The following PRR16 variants were observed in gnomAD, a reference collection of about 807,000 sequenced individuals.
PRR16 encodes protein Largen.
PRR16 carries 6 observed loss-of-function variants against 18.2 expected under a neutral mutation model. The observed-to-expected ratio is 0.33, with a 90% CI of 0.18 to 0.65. The LOEUF (loss-of-function observed/expected upper bound fraction) is 0.65. Ranked by LOEUF, PRR16 falls within the 30% of genes least tolerant of loss-of-function variation. The pLI is 0.74. For missense variants in PRR16, 412 were observed against 376.6 expected (o/e 1.09, Z -0.78); for synonymous variants, 151 against 147.8 (o/e 1.02, Z -0.16).
the PRR16 span, among the ~76,000 whole-genome samples, chr5:120,715,564 T>C: frequency 6.6e-6 from 1 of 152,230 alleles, no homozygotes. Context: ...AAACTCCTTA[T>C]CAATGCTATC....
At chr5:120,756,417 A>G in the PRR16 span, among the ~76,000 whole-genome samples, 67 of 152,240 alleles carry the variant, frequency 4.4e-4, no homozygotes, top group African/African-American at 1.5e-3. Context: ...TTCTACCAGA[A>G]GTATGTAAGC....
At chr5:120,793,518 TG>T in the PRR16 span, among the ~76,000 whole-genome samples, 1 of 151,906 alleles carries the variant, frequency 6.6e-6, no homozygotes, top group African/African-American at 2.4e-5. Flanking sequence ...TCAGAAGACC[TG>T]AAAAAATCTA....
At chr5:120,531,133 C>T (rs1751537280) in intron 1 of PRR16, among the ~76,000 whole-genome samples, 1 of 152,258 alleles carries the variant, frequency 6.6e-6, no homozygotes, top group Middle Eastern at 3.4e-3. Flanking sequence ...AGTTTAAAAA[C>T]TCAGATTACA....
chr5:120,526,673 T>A (rs535591988), intron 1 of PRR16, among the ~76,000 whole-genome samples: 1 of 152,274 alleles, frequency 6.6e-6, no homozygotes, highest in African/African-American at 2.4e-5. Context: ...GTTGGTTAAA[T>A]CACACTCTTA....
At chr5:120,472,184 A>G (rs912671316) in intron 1 of PRR16, among the ~76,000 whole-genome samples, 1 of 152,154 alleles carries the variant, frequency 6.6e-6, no homozygotes, top group African/African-American at 2.4e-5. Context: ...GGGACACTAT[A>G]AATAGATTTT....
intron 1 of PRR16, among the ~76,000 whole-genome samples, chr5:120,612,365 A>G (rs1754363496): frequency 6.6e-6 from 1 of 152,140 alleles, no homozygotes; most frequent in African/African-American, 2.4e-5. Flanking sequence ...TGGAGGGGCC[A>G]GGGGTGGAAT....
intron 1 of PRR16, among the ~76,000 whole-genome samples, chr5:120,567,082 T>C (rs1252041264): frequency 6.6e-6 from 1 of 152,188 alleles, no homozygotes; most frequent in Non-Finnish European, 1.5e-5. Flanking sequence ...GTGCTATGCT[T>C]TCATACTTAT....
chr5:120,543,851 G>A (rs1385638554), intron 1 of PRR16, among the ~76,000 whole-genome samples: 2 of 152,106 alleles, frequency 1.3e-5, no homozygotes, highest in African/African-American at 4.8e-5. Flanking sequence ...GTGATCTCTG[G>A]TATTTTACTT....
chr5:120,529,609 T>G (rs560963459), intron 1 of PRR16, among the ~76,000 whole-genome samples: 8 of 152,262 alleles, frequency 5.3e-5, no homozygotes, highest in South Asian at 2.1e-4. Context: ...TGCATCAGCT[T>G]TCATGGCTTG....
intron 1 of PRR16, among the ~76,000 whole-genome samples, chr5:120,605,771 C>T (rs1754133577): frequency 6.6e-6 from 1 of 152,074 alleles, no homozygotes; most frequent in Non-Finnish European, 1.5e-5. Flanking sequence ...TGTATGCTTT[C>T]CAGGGCCAAG....
chr5:120,750,401 G>A, the PRR16 span, among the ~76,000 whole-genome samples: 2 of 152,008 alleles, frequency 1.3e-5, no homozygotes, highest in African/African-American at 2.4e-5. Flanking sequence ...GCTCACACCT[G>A]TAATCCCAGC....
At chr5:120,539,671 TGAAAA>T (rs1266176377) in intron 1 of PRR16, among the ~76,000 whole-genome samples, 13 of 151,342 alleles carry the variant, frequency 8.6e-5, no homozygotes, top group South Asian at 2.1e-4. Flanking sequence ...AAATAGAACT[TGAAAA>T]GAAAAAAAAA....
intron 1 of PRR16, among the ~76,000 whole-genome samples, chr5:120,586,960 C>T (rs1753467463): frequency 2.0e-5 from 3 of 152,146 alleles, no homozygotes; most frequent in Admixed American, 6.5e-5. Flanking sequence ...TGGAAAGATT[C>T]TTGAAGAAAA....
At chr5:120,727,177 T>G in the PRR16 span, among the ~76,000 whole-genome samples, 1 of 152,052 alleles carries the variant, frequency 6.6e-6, no homozygotes, top group Non-Finnish European at 1.5e-5. Context: ...CTCTTTTTTG[T>G]GTCTCAAGTT....
chr5:120,571,901 C>T (rs770229067), intron 1 of PRR16, among the ~76,000 whole-genome samples: 2 of 152,076 alleles, frequency 1.3e-5, no homozygotes, highest in African/African-American at 2.4e-5. Flanking sequence ...CACATACATG[C>T]CTGGTGTCTT....
chr5:120,672,877 A>ATTAT (rs1216044897), intron 1 of PRR16, among the ~76,000 whole-genome samples: 1 of 152,192 alleles, frequency 6.6e-6, no homozygotes, highest in Non-Finnish European at 1.5e-5. Flanking sequence ...TTAACATAAT[A>ATTAT]GAATCATTTT....
intron 1 of PRR16, among the ~76,000 whole-genome samples, chr5:120,500,666 T>A (rs1284960156): frequency 6.6e-6 from 1 of 152,204 alleles, no homozygotes; most frequent in Non-Finnish European, 1.5e-5. Flanking sequence ...CCAAATTAGA[T>A]AATGGAAACA....
At chr5:120,656,761 T>A (rs1046113992) in intron 1 of PRR16, among the ~76,000 whole-genome samples, 1 of 151,982 alleles carries the variant, frequency 6.6e-6, no homozygotes, top group Non-Finnish European at 1.5e-5. Context: ...AAGTGATATA[T>A]TTGTGCTTAA....
intron 1 of PRR16, among the ~76,000 whole-genome samples, chr5:120,628,908 G>A (rs1754965726): frequency 6.6e-6 from 1 of 152,134 alleles, no homozygotes; most frequent in South Asian, 2.1e-4. Context: ...TAAGTTCAGA[G>A]GTACATGTGT....
Sources: gnomAD v4.1 joint callset for allele counts (sites outside exome capture counted in the v4.1 genomes callset) on GRCh38, gnomAD v4.1.1 for gene constraint, MANE v1.5 for transcripts, NCBI Gene and HGNC (gene_info 2026-07-23, HGNC 2026-07-21) for gene names.